RFC3: variants seen among roughly 807,000 people sequenced by gnomAD.
RFC3 encodes replication factor C subunit 3.
In RFC3, 41 loss-of-function variants were observed where a neutral mutation model predicts 45.1. The ratio of observed to expected loss-of-function variants is 0.91; its 90% CI spans 0.71 to 1.18. RFC3 has a LOEUF of 1.18. Ranked by LOEUF, RFC3 falls within the 50% of genes most tolerant of loss-of-function variation. The pLI is 0.00. For synonymous variants in RFC3, 149 were observed against 144.0 expected (o/e 1.03, Z -0.25); for missense variants, 423 against 428.1 (o/e 0.99, Z 0.10).
rs772361630 is a variant in RFC3, at chr13:33,858,090, G to A, written c.879+22873G>A. 6.1e-4 allele frequency among the ~76,000 whole-genome samples: 93 copies of A among 152,190 alleles called. 1 individual carries two copies. Among genetic ancestry groups the A allele is most frequent in the Admixed American group, 3.3e-4 (5 of 15,278 alleles). On this transcript the variant is annotated intron_variant, in intron 8 of 8. Coordinates refer to the RFC3 transcript ENST00000434425. ...AATTTCTATATTGTGAAATAAGGAT[G>A]GAGCGGAAGGGACCAGATCATAACC...
intron 8 of RFC3, among the ~76,000 whole-genome samples, chr13:33,915,703 G>T (rs1297278296): frequency 1.3e-5 from 2 of 151,890 alleles, no homozygotes; most frequent in East Asian, 1.9e-4. Context: ...TTATGTGGTT[G>T]TTATTTTAGT....
intron 8 of RFC3, among the ~76,000 whole-genome samples, chr13:33,904,963 A>G (rs556168498): frequency 4.6e-5 from 7 of 152,238 alleles, no homozygotes; most frequent in African/African-American, 1.2e-4. Context: ...GAGAAAAACA[A>G]TGGAATGATA....
chr13:33,879,982 T>C (rs967331087), intron 8 of RFC3, among the ~76,000 whole-genome samples: 2 of 152,224 alleles, frequency 1.3e-5, no homozygotes, highest in Admixed American at 6.5e-5. Flanking sequence ...TAACTTTTCT[T>C]TTCCCCTTCT....
At chr13:33,855,815 A>G (rs1254652869) in intron 8 of RFC3, among the ~76,000 whole-genome samples, 1 of 151,940 alleles carries the variant, frequency 6.6e-6, no homozygotes, top group Non-Finnish European at 1.5e-5. Flanking sequence ...CCCATATTTA[A>G]TGAGCTTGTT....
chr13:33,950,878 T>G (rs1331395240), intron 8 of RFC3, among the ~76,000 whole-genome samples: 1 of 151,826 alleles, frequency 6.6e-6, no homozygotes, highest in Non-Finnish European at 1.5e-5. Flanking sequence ...TCCTCTAATT[T>G]GGTATTCACC....
chr13:33,874,889 G>C (rs943557780), intron 8 of RFC3, among the ~76,000 whole-genome samples: 1 of 152,176 alleles, frequency 6.6e-6, no homozygotes, highest in Non-Finnish European at 1.5e-5. Flanking sequence ...CTCCTGCTTT[G>C]TGTTAACTAA....
At chr13:33,825,943 T>A in intron 4 of RFC3, 57 bp downstream of exon 4, 1 of 1,086,546 alleles carries the variant, frequency 9.2e-7, no homozygotes, top group Non-Finnish European at 1.4e-6. Context: ...GCTCTCTCTT[T>A]TTTTTGAGTT....
chr13:33,823,914 C>G lies in RFC3; in HGVS notation c.226-3C>G. On this transcript the variant is annotated splice_polypyrimidine_tract_variant and splice_region_variant and intron_variant, in intron 2 of 8. Coordinates refer to ENST00000380071, the MANE Select transcript of RFC3 (RefSeq NM_002915.4). ...TTAAAAATATCTTTTTCTTTGTCCA[C>G]AGACTCCATCTAAAAAAAAAATTGA... The G allele has an allele frequency of 6.7e-7, 1 of 1,491,802 alleles. No homozygotes were observed. The highest frequency in any genetic ancestry group is 9.2e-7 in the Non-Finnish European group (1 of 1,081,884). The allele number at this position is 1,491,802 out of a possible 1,614,324, so 92.4% of individuals were successfully genotyped here. A position where few individuals can be genotyped will look rare whatever the true frequency, so the allele number is the denominator to read the frequency against.
chr13:33,834,087 T>C (rs2082127453), intron 7 of RFC3, among the ~76,000 whole-genome samples: 1 of 151,950 alleles, frequency 6.6e-6, no homozygotes, highest in Admixed American at 6.6e-5. Context: ...AATGGGCTAG[T>C]GTAAGTACTG....
intron 7 of RFC3, among the ~76,000 whole-genome samples, chr13:33,832,849 A>G (rs1387665044): frequency 2.6e-5 from 4 of 152,146 alleles, no homozygotes; most frequent in Non-Finnish European, 5.9e-5. Context: ...TAACTTACCT[A>G]CTTTTAGGGG....
At chr13:33,974,954 G>A in the RFC3 span, among the ~76,000 whole-genome samples, 1 of 152,216 alleles carries the variant, frequency 6.6e-6, no homozygotes, top group Non-Finnish European at 1.5e-5. Context: ...TAGTGTAAAT[G>A]AGAAGTGGTA....
rs1566386972 is a variant in RFC3 at position 33,836,374 on chromosome 13, T to G, written c.*79T>G. 6 of 1,538,946 alleles carry G rather than the reference T, an allele frequency of 3.9e-6. No homozygotes were observed. The highest frequency in any genetic ancestry group is 5.2e-6 in the Non-Finnish European group (6 of 1,142,998). Reference sequence around the variant, plus strand: ...TTATATTAAAAGAGCTGTGGGTAAATTAACTGAACTTAATCATGTCGTATT... The same window carrying G: ...TTATATTAAAAGAGCTGTGGGTAAAGTAACTGAACTTAATCATGTCGTATT... On this transcript the variant is annotated 3_prime_UTR_variant, in exon 9 of 9. Coordinates refer to ENST00000380071, the MANE Select transcript of RFC3 (RefSeq NM_002915.4).
intron 8 of RFC3, among the ~76,000 whole-genome samples, chr13:33,963,149 A>G (rs1350672520): frequency 2.1e-5 from 3 of 139,854 alleles, no homozygotes; most frequent in Admixed American, 1.5e-4. Flanking sequence ...TATAGTAAGT[A>G]TATATTACTT....
At chr13:33,909,070 C>G (rs2082689021) in intron 8 of RFC3, among the ~76,000 whole-genome samples, 1 of 152,048 alleles carries the variant, frequency 6.6e-6, no homozygotes, top group South Asian at 2.1e-4. Flanking sequence ...TACCCCAGGT[C>G]CACTCAAGTT....
chr13:33,899,350 T>G (rs1431794820), intron 8 of RFC3, among the ~76,000 whole-genome samples: 3 of 151,882 alleles, frequency 2.0e-5, no homozygotes, highest in Admixed American at 1.3e-4. Context: ...CAAGTGGGAT[T>G]CATCCCAGGA....
At chr13:33,968,437 C>T (rs768172554), downstream of RFC3, among the ~76,000 whole-genome samples, 1 of 152,184 alleles carries the variant, frequency 6.6e-6, no homozygotes, top group Non-Finnish European at 1.5e-5. Flanking sequence ...AGCATTTACT[C>T]TTTACAAATG....
chr13:33,886,758 A>G (rs1443929169), intron 8 of RFC3, among the ~76,000 whole-genome samples: 7 of 144,048 alleles, frequency 4.9e-5, no homozygotes, highest in Middle Eastern at 3.5e-3. Context: ...AGCATTAGGT[A>G]TATCTCCTAA....
intron 8 of RFC3, among the ~76,000 whole-genome samples, chr13:33,913,883 G>A (rs1042914575): frequency 2.0e-5 from 3 of 152,100 alleles, no homozygotes; most frequent in Non-Finnish European, 4.4e-5. Flanking sequence ...GACTATACAC[G>A]TATTTATAAT....
In RFC3 at chr13:33,966,180, T is replaced by A. The variant is rs2083086867; in HGVS notation, c.*55T>A. On this transcript the variant is annotated 3_prime_UTR_variant, in exon 9 of 9. Coordinates refer to the RFC3 transcript ENST00000434425. ...TGGACTTCTCTCATCTTTTAGCATGTGAAGTTTTGCAAATATAATCCACTT... is the reference window on the plus strand; with the variant it reads ...TGGACTTCTCTCATCTTTTAGCATGAGAAGTTTTGCAAATATAATCCACTT... 4 of 1,398,932 alleles carry A rather than the reference T, an allele frequency of 2.9e-6. No individual in the cohort carries two copies. In the Admixed American group the frequency reaches 6.7e-5, roughly 23 times the overall value. 86.7% of individuals were successfully genotyped at this position (1,398,932 alleles called of 1,614,324 possible).
Sources: allele counts gnomAD v4.1 joint callset (sites outside exome capture counted in the v4.1 genomes callset), GRCh38; gene constraint gnomAD v4.1.1; transcripts MANE v1.5; gene names NCBI Gene and HGNC (gene_info 2026-07-23, HGNC 2026-07-21).